Variants in PCDHA11 observed in about 807,000 individuals in gnomAD.
PCDHA11 encodes the protein protocadherin alpha-11.
A neutral mutation model predicts 70.3 loss-of-function variants in PCDHA11; 61 were observed. That is an observed-to-expected ratio of 0.87 (90% CI 0.71 to 1.07). The LOEUF (loss-of-function observed/expected upper bound fraction) is 1.07. Ranked by LOEUF, PCDHA11 falls within the 50% of genes least tolerant of loss-of-function variation. The pLI is 0.00. For synonymous variants in PCDHA11, 633 were observed against 555.1 expected, an observed-to-expected ratio of 1.14 and a Z score of -1.97; for missense variants, 1,324 against 1,237.5, an observed-to-expected ratio of 1.07 and a Z score of -1.05.
chr5:140,883,532 G>C, intron 1 of PCDHA11: 2 of 1,614,220 alleles, frequency 1.2e-6, no homozygotes, highest in Non-Finnish European at 1.7e-6. Context: ...ATCAGCCTAT[G>C]AACTGGTGGT....
chr5:140,877,531 G>C, intron 1 of PCDHA11: 1 of 1,613,792 alleles, frequency 6.2e-7, no homozygotes, highest in Non-Finnish European at 8.5e-7. Context: ...AGTGGGCGCT[G>C]TGGATCCCGA....
In PCDHA11 at chr5:140,870,505, C is replaced by T; in HGVS notation, c.1402C>T (p.Pro468Ser). 6.2e-7 allele frequency: 1 copy of T among 1,614,220 alleles called. No individual in the cohort carries two copies. The highest frequency in any genetic ancestry group is 8.5e-7 in the Non-Finnish European group (1 of 1,180,042). Residue 468 changes from proline (P) to serine (S), a missense_variant, in exon 1 of 4, where the codon CCA (proline) becomes TCA (serine). Pro to Ser is a moderately conservative substitution (Grantham distance 74, BLOSUM62 -1). Coordinates refer to ENST00000398640, the MANE Select transcript of PCDHA11 (RefSeq NM_018902.5). ...CACCGTGTTCGTGAAGGAGAACAAC[C>T]CACCAGGCTGCCACATCTTCACAGT... ...EYTVFVKENN[P>S]PGCHIFTVSA... is the part of the protein sequence containing the mutation.
At chr5:140,884,385 C>A (rs1554181508) in intron 1 of PCDHA11, 1 of 1,613,992 alleles carries the variant, frequency 6.2e-7, no homozygotes, top group Non-Finnish European at 8.5e-7. Context: ...GCCATCTGCG[C>A]GGTGTCCAGC....
In PCDHA11 at chr5:140,869,471, T is replaced by C. The variant is rs1554163114; in HGVS notation, c.368T>C (p.Val123Ala). The C allele has an allele frequency of 6.2e-7, 1 of 1,613,696 alleles. No homozygotes were observed. The highest frequency in any genetic ancestry group is 1.1e-5 in the South Asian group (1 of 91,048). ...CAGGTTTTCCATGTGAACGTGGAGG[T>C]GAAGGACATTAACGACAACCCGCCG... is the stretch of plus-strand genomic sequence containing the variant. ...PLQVFHVNVEVKDINDNPPVF... is the reference protein window; with the variant it reads ...PLQVFHVNVEAKDINDNPPVF... The change falls in exon 1 of 4, where the codon GTG becomes GCG. Residue 123 changes from valine to alanine, a missense_variant. Coordinates refer to ENST00000398640, the MANE Select transcript of PCDHA11 (RefSeq NM_018902.5).
chr5:140,877,014 C>A lies in PCDHA11; in HGVS notation c.2391+5520C>A, dbSNP rs559122507. On this transcript the variant is annotated intron_variant, in intron 1 of 3. Coordinates refer to ENST00000398640, the MANE Select transcript of PCDHA11 (RefSeq NM_018902.5). ...GCTACGTGTCGGTGCACGCGGAGAG[C>A]GGCAAGGTGTACGCGCTGCAGCCGC... is the stretch of plus-strand genomic sequence containing the variant. 5 of 1,612,440 alleles carry A rather than the reference C, an allele frequency of 3.1e-6. No homozygotes were observed. In the African/African-American group the frequency reaches 4.0e-5, roughly 13 times the overall value.
intron 1 of PCDHA11, among the ~76,000 whole-genome samples, chr5:140,918,383 C>A (rs1227959801): frequency 4.6e-5 from 7 of 152,124 alleles, no homozygotes. Flanking sequence ...CCTTTTATTT[C>A]TTTCTCTTGC....
chr5:140,882,480 A>T, intron 1 of PCDHA11: 1 of 1,614,020 alleles, frequency 6.2e-7, no homozygotes, highest in Non-Finnish European at 8.5e-7. Flanking sequence ...TCCAAAAGAC[A>T]CGGGGACCTT....
At chr5:140,975,022 G>A (rs2096650178) in intron 1 of PCDHA11, among the ~76,000 whole-genome samples, 2 of 152,188 alleles carry the variant, frequency 1.3e-5, no homozygotes, top group Admixed American at 1.3e-4. Context: ...GCTGGGCTGT[G>A]TTGTCCTTTG....
intron 3 of PCDHA11, among the ~76,000 whole-genome samples, chr5:140,990,610 C>T (rs781969043): frequency 4.6e-5 from 7 of 152,080 alleles, no homozygotes; most frequent in African/African-American, 9.7e-5. Flanking sequence ...AGATGAATAC[C>T]GTAAAGGTCT....
intron 1 of PCDHA11, among the ~76,000 whole-genome samples, chr5:140,964,379 C>T (rs2095828218): frequency 6.6e-6 from 1 of 152,130 alleles, no homozygotes; most frequent in Non-Finnish European, 1.5e-5. Flanking sequence ...AAAGGAGAGT[C>T]CTGGTTTTTC....
intron 1 of PCDHA11, among the ~76,000 whole-genome samples, chr5:140,975,776 A>G (rs1554237009): frequency 1.3e-5 from 2 of 152,152 alleles, no homozygotes; most frequent in African/African-American, 2.4e-5. Flanking sequence ...AGATAATACC[A>G]TTACAAGATA....
At chr5:140,998,247 T>C (rs2097802911) in intron 3 of PCDHA11, among the ~76,000 whole-genome samples, 1 of 152,216 alleles carries the variant, frequency 6.6e-6, no homozygotes, top group Non-Finnish European at 1.5e-5. Flanking sequence ...ATTATACTCA[T>C]TTTACTGCTA....
chr5:140,985,465 A>T (rs1195143465), intron 3 of PCDHA11, among the ~76,000 whole-genome samples: 1 of 152,126 alleles, frequency 6.6e-6, no homozygotes, highest in Non-Finnish European at 1.5e-5. Flanking sequence ...TGCTCCAAAA[A>T]ATTTGGTTGT....
intron 1 of PCDHA11, chr5:140,929,209 G>C (rs553616030): frequency 1.2e-6 from 2 of 1,613,936 alleles, no homozygotes. Context: ...GCTGTTGCGT[G>C]GGGAGTACAA....
At chr5:140,969,045 CCAA>C in intron 1 of PCDHA11, 4 of 1,614,090 alleles carry the variant, frequency 2.5e-6, no homozygotes, top group Non-Finnish European at 3.4e-6. Flanking sequence ...TACAAACAAG[CCAA>C]CAACAATATT....
chr5:140,887,153 G>C (rs950456487), intron 1 of PCDHA11, among the ~76,000 whole-genome samples: 1 of 151,288 alleles, frequency 6.6e-6, no homozygotes, highest in South Asian at 2.1e-4. Flanking sequence ...CTGGAGTACA[G>C]TGGCGTGATC....
At chr5:140,928,121 A>C in intron 1 of PCDHA11, 1 of 1,614,194 alleles carries the variant, frequency 6.2e-7, no homozygotes, top group Non-Finnish European at 8.5e-7. Flanking sequence ...CAGATCAGTG[A>C]ATACCAAGTC....
chr5:140,995,245 A>G (rs2097671494), intron 3 of PCDHA11, among the ~76,000 whole-genome samples: 1 of 152,194 alleles, frequency 6.6e-6, no homozygotes, highest in African/African-American at 2.4e-5. Flanking sequence ...ATTAAGTAAA[A>G]TAAGGGTACT....
intron 1 of PCDHA11, among the ~76,000 whole-genome samples, chr5:140,898,272 A>T (rs13177412): frequency 6.6e-6 from 1 of 152,110 alleles, no homozygotes; most frequent in Non-Finnish European, 1.5e-5. Flanking sequence ...CCCATGCCTA[A>T]GTTCTGAATG....
Sources: allele counts gnomAD v4.1 joint callset (sites outside exome capture counted in the v4.1 genomes callset), GRCh38; gene constraint gnomAD v4.1.1; transcripts MANE v1.5; gene names NCBI Gene and HGNC (gene_info 2026-07-23, HGNC 2026-07-21).